The following CTNNA3 variants were observed in gnomAD, a reference collection of about 807,000 sequenced individuals.
CTNNA3 encodes catenin alpha-3.
A neutral mutation model predicts 95.7 loss-of-function variants in CTNNA3; 76 were observed. That is an observed-to-expected ratio of 0.79 (90% CI 0.66 to 0.96). CTNNA3 has a LOEUF of 0.96. Among genes scored for constraint, CTNNA3 ranks in the 40% least tolerant of loss-of-function variants. The probability of loss-of-function intolerance (pLI) is 0.00; values close to 1 mark genes in which losing one functional copy is unlikely to be tolerated. For synonymous variants in CTNNA3, 431 were observed against 374.4 expected, an observed-to-expected ratio of 1.15 and a Z score of -1.74; for missense variants, 1,191 against 1,089.8, an observed-to-expected ratio of 1.09 and a Z score of -1.31.
chr10:66,150,480 T>A (rs1461101643), intron 13 of CTNNA3, among the ~76,000 whole-genome samples: 1 of 151,824 alleles, frequency 6.6e-6, no homozygotes, highest in African/African-American at 2.4e-5. Flanking sequence ...AATAGCTTAA[T>A]TTTTTTCTAT....
At chr10:67,293,693 T>A (rs1589134090) in intron 5 of CTNNA3, among the ~76,000 whole-genome samples, 1 of 112,282 alleles carries the variant, frequency 8.9e-6, no homozygotes, top group African/African-American at 3.6e-5. Flanking sequence ...CAGGCCCCAG[T>A]GTGTGATGTC....
At chr10:67,703,339 C>A (rs1195243326) in intron 1 of CTNNA3, among the ~76,000 whole-genome samples, 5 of 152,056 alleles carry the variant, frequency 3.3e-5, no homozygotes, top group Admixed American at 6.6e-5. Flanking sequence ...GAATTTTAGA[C>A]CAATATCCTT....
chr10:67,558,642 C>T (rs1414660621), intron 3 of CTNNA3, among the ~76,000 whole-genome samples: 1 of 152,324 alleles, frequency 6.6e-6, no homozygotes, highest in African/African-American at 2.4e-5. Flanking sequence ...GGGCACAGGA[C>T]AGTGGGTGCA....
Position 66,968,239 on chromosome 10 carries a change from A to G in CTNNA3, c.1048-192715T>C, listed in dbSNP as rs574018628. On this transcript the variant is annotated intron_variant, in intron 7 of 17. Coordinates refer to ENST00000433211, the MANE Select transcript of CTNNA3 (RefSeq NM_013266.4). The stretch of plus-strand genomic sequence containing the variant: ...TGGCTGTGGATTTTGGTATAGTTTT[A>G]ATTTTTAAAAACAGTTTCCAAAACA... Among the ~76,000 whole-genome samples the G allele has an allele frequency of 9.4e-4, 143 of 152,024 alleles. 2 individuals are homozygous for G. The highest frequency in any genetic ancestry group is 3.4e-3 in the African/African-American group (139 of 41,486).
At chr10:66,064,715 T>C (rs2133584277) in intron 15 of CTNNA3, among the ~76,000 whole-genome samples, 1 of 152,318 alleles carries the variant, frequency 6.6e-6, no homozygotes, top group Middle Eastern at 3.4e-3. Context: ...GCATTAAAAT[T>C]AAAATCTTAG....
chr10:66,950,128 T>C (rs1848464301), intron 7 of CTNNA3, among the ~76,000 whole-genome samples: 1 of 152,198 alleles, frequency 6.6e-6, no homozygotes, highest in South Asian at 2.1e-4. Context: ...AAATTATTTC[T>C]TCTGCCTGGA....
At chr10:67,237,974 T>C (rs1416539865) in intron 5 of CTNNA3, among the ~76,000 whole-genome samples, 2 of 152,054 alleles carry the variant, frequency 1.3e-5, no homozygotes, top group Non-Finnish European at 2.9e-5. Context: ...GAGGTACAAA[T>C]GGTAGGATTT....
intron 1 of CTNNA3, among the ~76,000 whole-genome samples, chr10:67,741,764 T>G (rs1340201768): frequency 6.6e-6 from 1 of 150,882 alleles, no homozygotes; most frequent in Non-Finnish European, 1.5e-5. Flanking sequence ...GGAAACCCAT[T>G]TCACGTGCAC....
chr10:66,053,309 G>A (rs1298051514), intron 15 of CTNNA3, among the ~76,000 whole-genome samples: 1 of 151,752 alleles, frequency 6.6e-6, no homozygotes, highest in Non-Finnish European at 1.5e-5. Context: ...TCTTTTCTTA[G>A]GATGTTTTTC....
intron 3 of CTNNA3, among the ~76,000 whole-genome samples, chr10:67,540,863 A>T (rs1220556667): frequency 6.6e-6 from 1 of 151,946 alleles, no homozygotes; most frequent in Non-Finnish European, 1.5e-5. Flanking sequence ...ACAGTAATTA[A>T]CAGTGTGTAC....
intron 7 of CTNNA3, among the ~76,000 whole-genome samples, chr10:67,140,534 A>C (rs1860509038): frequency 6.6e-6 from 1 of 152,198 alleles, no homozygotes; most frequent in African/African-American, 2.4e-5. Context: ...AGACTTCTGA[A>C]CCCAGATCTA....
chr10:67,141,218 T>A (rs115334070), intron 7 of CTNNA3, among the ~76,000 whole-genome samples: 1,816 of 152,176 alleles, frequency 0.012, 41 homozygotes, highest in African/African-American at 0.042. Flanking sequence ...TATATTACCA[T>A]AAAAAAATCT....
intron 7 of CTNNA3, among the ~76,000 whole-genome samples, chr10:66,828,347 C>G (rs1207664565): frequency 6.6e-6 from 1 of 152,142 alleles, no homozygotes; most frequent in Non-Finnish European, 1.5e-5. Flanking sequence ...GAAATCTTTC[C>G]TAATTCCCCT....
chr10:67,742,395 A>G (rs1404690074), intron 1 of CTNNA3, among the ~76,000 whole-genome samples: 1 of 151,308 alleles, frequency 6.6e-6, no homozygotes, highest in Non-Finnish European at 1.5e-5. Context: ...CCGCTCCTGA[A>G]TGACTACTGG....
chr10:67,204,140 C>T lies in CTNNA3; in HGVS notation c.843+15467G>A, dbSNP rs149781275. 6.6e-3 allele frequency among the ~76,000 whole-genome samples: 1,002 copies of T among 152,070 alleles called. 14 individuals are homozygous for T. The highest frequency in any genetic ancestry group is 0.022 in the African/African-American group (915 of 41,476). ...CTTAGACCTAAAAGTATTTTTTTCC[C>T]AGATATGTACTATGAAATGTCTTGA... On this transcript the variant is annotated intron_variant, in intron 6 of 17. Transcript: ENST00000433211.
At chr10:67,219,415 G>A (rs1393638914) in intron 6 of CTNNA3, among the ~76,000 whole-genome samples, 192 bp downstream of exon 6, 1 of 152,152 alleles carries the variant, frequency 6.6e-6, no homozygotes, top group Non-Finnish European at 1.5e-5. Flanking sequence ...AGATGTACAG[G>A]AGTCAGAAGT....
chr10:66,048,229 T>C (rs1255571443), intron 15 of CTNNA3, among the ~76,000 whole-genome samples: 1 of 152,160 alleles, frequency 6.6e-6, no homozygotes, highest in African/African-American at 2.4e-5. Context: ...CAAACTATAC[T>C]ACAAGGCTAC....
chr10:66,830,582 C>G (rs1271002767), intron 7 of CTNNA3, among the ~76,000 whole-genome samples: 1 of 150,634 alleles, frequency 6.6e-6, no homozygotes, highest in African/African-American at 2.4e-5. Context: ...ACACCTCAAC[C>G]CCTCACAACT....
rs1180075401 is a variant in CTNNA3, at chr10:66,743,386, C to A, written c.1281+22878G>T. Among the ~76,000 whole-genome samples, 4 of 152,092 alleles carry A rather than the reference C, an allele frequency of 2.6e-5. No individual in the cohort carries two copies. In the East Asian group the frequency reaches 7.7e-4, roughly 29 times the overall value. ...AAAGTCATCAGCATATGACTTTTTA[C>A]CTAGATATAGACATTTACTTATATG... On this transcript the variant is annotated intron_variant, in intron 9 of 17. Coordinates refer to ENST00000433211, the MANE Select transcript of CTNNA3 (RefSeq NM_013266.4).
Sources: allele counts gnomAD v4.1 joint callset (sites outside exome capture counted in the v4.1 genomes callset), GRCh38; gene constraint gnomAD v4.1.1; transcripts MANE v1.5; gene names NCBI Gene and HGNC (gene_info 2026-07-23, HGNC 2026-07-21).